Variants in GPBP1 observed in about 807,000 individuals in gnomAD.
GPBP1 encodes the protein GC-rich promoter binding protein 1, also known as vasculin.
Under a neutral mutation model 56.5 loss-of-function variants are expected in GPBP1, and 13 were observed. The ratio of observed to expected loss-of-function variants is 0.23; its 90% CI spans 0.15 to 0.37. The LOEUF is 0.37. Among genes scored for constraint, GPBP1 ranks in the 10% least tolerant of loss-of-function variants. The probability of loss-of-function intolerance (pLI) is 1.00; values close to 1 mark genes in which losing one functional copy is unlikely to be tolerated. For missense variants in GPBP1, 477 were observed against 572.3 expected (o/e 0.83, Z 1.70); for synonymous variants, 204 against 188.9 (o/e 1.08, Z -0.66).
intron 3 of GPBP1, among the ~76,000 whole-genome samples, chr5:57,228,586 G>GT (rs1756298124): frequency 6.1e-3 from 1 of 164 alleles, no homozygotes; most frequent in South Asian, 0.12. Flanking sequence ...TCTGGCTTGG[G>GT]CATATAGATC....
At chr5:57,235,409 TTTTC>T (rs1756619480) in intron 5 of GPBP1, among the ~76,000 whole-genome samples, 1 of 151,632 alleles carries the variant, frequency 6.6e-6, no homozygotes, top group South Asian at 2.1e-4. Flanking sequence ...TGAGTTTTTC[TTTTC>T]TTTTTTTTTT....
intron 6 of GPBP1, among the ~76,000 whole-genome samples, chr5:57,238,125 C>T (rs1437003409): frequency 6.6e-6 from 1 of 152,146 alleles, no homozygotes; most frequent in Non-Finnish European, 1.5e-5. Flanking sequence ...TCCATCTCCA[C>T]GCTGTTAATT....
Position 57,214,181 on chromosome 5 carries a change from A to G in GPBP1, c.51A>G (p.Pro17=). The part of the protein sequence containing the change: ...APAWLNFPTP[P]SSTKSSLNFE... Reference sequence around the variant, plus strand: ...CCTGGCTTAATTTCCCTACTCCACCATCATCAACAAAGGTACTCTTTCTGC... The same window carrying G: ...CCTGGCTTAATTTCCCTACTCCACCGTCATCAACAAAGGTACTCTTTCTGC... Residue 17 remains proline, a synonymous_variant, in exon 3 of 12, where the codon CCA becomes CCG. Coordinates refer to ENST00000506184, the MANE Select transcript of GPBP1 (RefSeq NM_022913.4). 6.2e-7 allele frequency: 1 copy of G among 1,612,632 alleles called. No homozygotes were observed. The highest frequency in any genetic ancestry group is 8.5e-7 in the Non-Finnish European group (1 of 1,178,724).
Position 57,249,516 on chromosome 5 carries a change from A to G in GPBP1, c.912A>G (p.Ala304=), listed in dbSNP as rs1182254242. ...ATAAGAAGAGTGAATTTTTGAAAGC[A>G]TTGAAAAGAGACAGAGTAGAAGAGG... ...RTDKKSEFLK[A]LKRDRVEEEH... is the part of the protein sequence containing the mutation. The change falls in exon 9 of 12, where the codon GCA becomes GCG. Residue 304 remains alanine, a synonymous_variant. Coordinates refer to ENST00000506184, the MANE Select transcript of GPBP1 (RefSeq NM_022913.4). The G allele has an allele frequency of 3.1e-6, 5 of 1,613,606 alleles. No homozygotes were observed. The highest frequency in any genetic ancestry group is 1.7e-5 in the Admixed American group (1 of 59,948).
chr5:57,177,907 G>C (rs831647), intron 2 of GPBP1, among the ~76,000 whole-genome samples: 49,662 of 151,706 alleles, frequency 0.33, 9,375 homozygotes, highest in Non-Finnish European at 0.43. Flanking sequence ...AATCCTGCTA[G>C]CTCCCATAGA....
intron 2 of GPBP1, among the ~76,000 whole-genome samples, chr5:57,180,245 G>C (rs1753980849): frequency 6.6e-6 from 1 of 152,132 alleles, no homozygotes; most frequent in African/African-American, 2.4e-5. Context: ...CTCCCAAGTA[G>C]CTGAGGTTAC....
Position 57,247,199 on chromosome 5 carries a change from C to T in GPBP1, c.788C>T (p.Thr263Ile), listed in dbSNP as rs1273481761. 2 of 1,612,652 alleles carry T rather than the reference C, an allele frequency of 1.2e-6. No individual in the cohort carries two copies. The highest frequency in any genetic ancestry group is 1.7e-6 in the Non-Finnish European group (2 of 1,179,430). The change falls in exon 8 of 12, where the codon ACA becomes ATA. Residue 263 changes from threonine to isoleucine, a missense_variant. Physicochemically the swap from Thr to Ile is moderately conservative, Grantham distance 89. Around this residue, in one of 2 missense-constraint regions of GPBP1, gnomAD observed 414 missense variants for 458.2 expected, o/e 0.90. Transcript: ENST00000506184. Reference sequence around the variant, plus strand: ...ACTGCCAAGAACTTTAGTCCATCTACAAATTCAGTGAAAGAGGTATGACAT... The same window carrying T: ...ACTGCCAAGAACTTTAGTCCATCTATAAATTCAGTGAAAGAGGTATGACAT... ...KSTAKNFSPS[T>I]NSVKECNRSN... is the part of the protein sequence containing the mutation.
In GPBP1 at chr5:57,263,693, A is replaced by G. The variant is rs1742001012; in HGVS notation, c.*941A>G. ...ATACTTTTAAAAGTAATACCTTACT[A>G]AAGATGGTGATTACTTTTCCGAGGT... On this transcript the variant is annotated 3_prime_UTR_variant, in exon 12 of 12. Transcript: ENST00000506184. The G allele has an allele frequency of 6.6e-6, 1 of 152,196 alleles. No individual in the cohort carries two copies. The highest frequency in any genetic ancestry group is 2.4e-5 in the African/African-American group (1 of 41,454). The allele number at this position is 152,196 out of a possible 1,614,324, so 9.4% of individuals were successfully genotyped here.
chr5:57,191,013 T>G (rs1754500721), intron 2 of GPBP1, among the ~76,000 whole-genome samples: 1 of 152,060 alleles, frequency 6.6e-6, no homozygotes, highest in Admixed American at 6.6e-5. Flanking sequence ...GGGGTTCAAG[T>G]GATCTGCCCG....
Position 57,187,104 on chromosome 5 carries a change from A to AT in GPBP1, c.-58+10713dup, listed in dbSNP as rs879420126. On this transcript the variant is annotated intron_variant, in intron 2 of 11. Coordinates refer to ENST00000506184, the MANE Select transcript of GPBP1 (RefSeq NM_022913.4). ...TAGTCCATAAATAAAATAGTATTTGATTTTTTTTTCTGCTTTAACATTGGA... is the reference window on the plus strand; with the variant it reads ...TAGTCCATAAATAAAATAGTATTTGATTTTTTTTTTCTGCTTTAACATTGGA... Among the ~76,000 whole-genome samples, 7 of 149,658 alleles carry AT rather than the reference A, an allele frequency of 4.7e-5. No individual in the cohort carries two copies. The South Asian group carries it at 6.4e-4, about 14-fold the overall frequency.
intron 10 of GPBP1, among the ~76,000 whole-genome samples, chr5:57,252,298 T>A (rs375385712): frequency 6.6e-6 from 1 of 152,120 alleles, no homozygotes; most frequent in Non-Finnish European, 1.5e-5. Flanking sequence ...ATGTAGTTCA[T>A]TTTTTTCCTT....
intron 6 of GPBP1, among the ~76,000 whole-genome samples, chr5:57,238,551 T>TC (rs1470040122): frequency 6.6e-6 from 1 of 151,872 alleles, no homozygotes; most frequent in Non-Finnish European, 1.5e-5. Flanking sequence ...AGAGTGAAAC[T>TC]CCGTCTCAAA....
chr5:57,202,230 C>G (rs1444502061), intron 2 of GPBP1, among the ~76,000 whole-genome samples: 1 of 152,074 alleles, frequency 6.6e-6, no homozygotes, highest in African/African-American at 2.4e-5. Context: ...AGCAGTCGGG[C>G]TGCCTTGGCC....
intron 2 of GPBP1, among the ~76,000 whole-genome samples, chr5:57,198,862 T>C (rs1754878350): frequency 6.6e-6 from 1 of 152,150 alleles, no homozygotes; most frequent in South Asian, 2.1e-4. Flanking sequence ...TTCAGTGTCA[T>C]TTGCTTCACA....
At chr5:57,197,682 G>A (rs1288215530) in intron 2 of GPBP1, among the ~76,000 whole-genome samples, 1 of 93,108 alleles carries the variant, frequency 1.1e-5, no homozygotes, top group African/African-American at 4.5e-5. Context: ...TTTGCTTGAT[G>A]TCATGTTTTT....
intron 2 of GPBP1, among the ~76,000 whole-genome samples, chr5:57,184,491 G>A (rs1754200867): frequency 6.6e-6 from 1 of 151,846 alleles, no homozygotes; most frequent in African/African-American, 2.4e-5. Flanking sequence ...TGAGGTGAGG[G>A]GGGAGGTGCC....
chr5:57,190,212 C>T (rs1754459847), intron 2 of GPBP1, among the ~76,000 whole-genome samples: 1 of 150,718 alleles, frequency 6.6e-6, no homozygotes, highest in Non-Finnish European at 1.5e-5. Context: ...TATTATAGAG[C>T]TATTTTTAAC....
intron 10 of GPBP1, 59 bp downstream of exon 10, chr5:57,251,200 T>C (rs531478858): frequency 1.5e-4 from 204 of 1,397,348 alleles, no homozygotes; most frequent in Middle Eastern, 7.4e-4. Context: ...TTCAATATTA[T>C]AGAGTTTTTA....
rs150842375 is a variant in GPBP1 at position 57,231,158 on chromosome 5, A to G, written c.248A>G (p.Asn83Ser). The G allele has an allele frequency of 6.2e-7, 1 of 1,614,214 alleles. No homozygotes were observed. Among genetic ancestry groups the G allele is most frequent in the Middle Eastern group, 1.6e-4 (1 of 6,062 alleles). Residue 83 changes from asparagine (N) to serine (S), a missense_variant, in exon 5 of 12, where the codon AAC becomes AGC. Around this residue, in one of 2 missense-constraint regions of GPBP1, gnomAD observed 414 missense variants for 458.2 expected, o/e 0.90. Coordinates refer to ENST00000506184, the MANE Select transcript of GPBP1 (RefSeq NM_022913.4). ...WRTHGRNGTE[N>S]INHRGGYHGG... is the part of the protein sequence containing the mutation. ...ACACATGGAAGAAATGGTACAGAAA[A>G]CATAAATCATCGAGGTGGATACCAT...
Sources: allele counts gnomAD v4.1 joint callset (sites outside exome capture counted in the v4.1 genomes callset), GRCh38; gene constraint gnomAD v4.1.1; regional missense constraint gnomAD v4.1.1; transcripts MANE v1.5; gene names NCBI Gene and HGNC (gene_info 2026-07-23, HGNC 2026-07-21).